The following MGAT4C variants were observed in gnomAD, a reference collection of about 807,000 sequenced individuals.
MGAT4C encodes the protein alpha-1,3-mannosyl-glycoprotein 4-beta-N-acetylglucosaminyltransferase C.
In MGAT4C, 19 loss-of-function variants were observed where a neutral mutation model predicts 40.1. That is an observed-to-expected ratio of 0.47 (90% CI 0.33 to 0.70). MGAT4C has a LOEUF of 0.70. Ranked by LOEUF, MGAT4C falls within the 30% of genes least tolerant of loss-of-function variation. The pLI, the probability that MGAT4C is intolerant of heterozygous loss-of-function variation, is 0.02. For missense variants in MGAT4C, 491 were observed against 563.2 expected, an observed-to-expected ratio of 0.87 and a Z score of 1.30; for synonymous variants, 181 against 187.1, an observed-to-expected ratio of 0.97 and a Z score of 0.27.
chr12:86,430,567 C>T (rs1425935468), intron 3 of MGAT4C, among the ~76,000 whole-genome samples: 1 of 152,064 alleles, frequency 6.6e-6, no homozygotes, highest in Admixed American at 6.6e-5. Flanking sequence ...GGAACACTGG[C>T]TTTGTTTGGC....
intron 4 of MGAT4C, among the ~76,000 whole-genome samples, chr12:86,300,248 G>T (rs1460901859): frequency 4.6e-5 from 7 of 152,044 alleles, no homozygotes; most frequent in African/African-American, 1.7e-4. Flanking sequence ...TGTGATGCAG[G>T]TCATCAAAAA....
chr12:86,417,331 C>T (rs1956738651), intron 3 of MGAT4C, among the ~76,000 whole-genome samples: 1 of 151,956 alleles, frequency 6.6e-6, no homozygotes, highest in Non-Finnish European at 1.5e-5. Flanking sequence ...GTTGAAAGAG[C>T]TTAAATTTTC....
rs11103956 is a variant in MGAT4C, at chr12:86,436,156, G to A, written c.-228-891C>T. Among the ~76,000 whole-genome samples, 1,229 of 151,878 alleles carry A rather than the reference G, an allele frequency of 8.1e-3. 23 individuals carry two copies. Among genetic ancestry groups the A allele is most frequent in the African/African-American group, 0.028 (1,180 of 41,526 alleles). Reference sequence around the variant, plus strand: ...CCACTACGAAAAATATGAATTAACTGGATGGAGAGATTTTTTCTTTTTGCA... The same window carrying A: ...CCACTACGAAAAATATGAATTAACTAGATGGAGAGATTTTTTCTTTTTGCA... On this transcript the variant is annotated intron_variant, in intron 2 of 7. Coordinates refer to the MGAT4C transcript ENST00000548651.
At chr12:86,588,684 G>T (rs1212680072) in intron 2 of MGAT4C, among the ~76,000 whole-genome samples, 1 of 151,998 alleles carries the variant, frequency 6.6e-6, no homozygotes, top group Non-Finnish European at 1.5e-5. Context: ...TAAAAGAACA[G>T]AAATTATAAC....
chr12:86,826,468 TA>T (rs1364836462), intron 1 of MGAT4C, among the ~76,000 whole-genome samples: 2 of 151,498 alleles, frequency 1.3e-5, no homozygotes, highest in Non-Finnish European at 3.0e-5. Context: ...AAAGTTAATT[TA>T]AAAATTATAC....
chr12:86,777,178 T>G (rs1304579261), intron 1 of MGAT4C, among the ~76,000 whole-genome samples: 1 of 152,144 alleles, frequency 6.6e-6, no homozygotes, highest in Non-Finnish European at 1.5e-5. Context: ...ACAGATAAAA[T>G]TTTAGGTATT....
intron 1 of MGAT4C, among the ~76,000 whole-genome samples, chr12:86,195,253 G>C (rs538307426): frequency 3.3e-4 from 50 of 152,276 alleles, no homozygotes; most frequent in Non-Finnish European, 6.9e-4. Flanking sequence ...TTTCTCAAGG[G>C]CTGGTTGCTG....
intron 2 of MGAT4C, among the ~76,000 whole-genome samples, chr12:86,515,370 G>A (rs372594082): frequency 6.6e-6 from 1 of 151,908 alleles, no homozygotes; most frequent in African/African-American, 2.4e-5. Flanking sequence ...ACACAATCTG[G>A]TATACAAAAA....
intron 1 of MGAT4C, among the ~76,000 whole-genome samples, chr12:86,173,630 C>T (rs1887079514): frequency 6.6e-6 from 1 of 151,926 alleles, no homozygotes; most frequent in Non-Finnish European, 1.5e-5. Context: ...TGACTTTCCC[C>T]AGTGTTGTTT....
chr12:86,540,380 C>A (rs912747448), intron 2 of MGAT4C, among the ~76,000 whole-genome samples: 11 of 152,170 alleles, frequency 7.2e-5, no homozygotes, highest in African/African-American at 2.7e-4. Flanking sequence ...GCAGGTATAG[C>A]AGCCCAGGTT....
chr12:86,446,658 C>CATATATATATATATATATATATAT (rs34157468), intron 2 of MGAT4C, among the ~76,000 whole-genome samples: 1 of 35,324 alleles, frequency 2.8e-5, no homozygotes, highest in African/African-American at 9.2e-5. Flanking sequence ...TCATGTAACT[C>CATATATATATATATATATATATAT]ATATATATAT....
intron 2 of MGAT4C, among the ~76,000 whole-genome samples, chr12:85,989,875 A>G (rs994852944): frequency 2.6e-5 from 4 of 152,114 alleles, no homozygotes; most frequent in African/African-American, 9.7e-5. Flanking sequence ...GCACAATAGA[A>G]AAACAGTCAA....
At chr12:86,446,607 T>C (rs1245139880) in intron 2 of MGAT4C, among the ~76,000 whole-genome samples, 1 of 144,678 alleles carries the variant, frequency 6.9e-6, no homozygotes, top group Non-Finnish European at 1.5e-5. Flanking sequence ...TTGTGTACTG[T>C]TCATATACGA....
intron 1 of MGAT4C, among the ~76,000 whole-genome samples, chr12:86,185,246 G>A (rs1888623106): frequency 1.3e-5 from 2 of 152,054 alleles, no homozygotes; most frequent in African/African-American, 4.8e-5. Flanking sequence ...TGTGTAGGTA[G>A]TACAGCTTTA....
intron 1 of MGAT4C, among the ~76,000 whole-genome samples, chr12:86,755,363 T>C (rs1371554347): frequency 6.6e-6 from 1 of 152,138 alleles, no homozygotes; most frequent in Non-Finnish European, 1.5e-5. Flanking sequence ...TCTATACATC[T>C]GTATTACACT....
intron 3 of MGAT4C, among the ~76,000 whole-genome samples, chr12:86,398,334 G>A (rs1041874602): frequency 2.0e-5 from 3 of 152,044 alleles, no homozygotes; most frequent in Non-Finnish European, 4.4e-5. Context: ...ATATAGAACC[G>A]ACCTGGATAA....
In MGAT4C at chr12:86,737,649, T is replaced by C. The variant is rs1291637918; in HGVS notation, c.-261-10408A>G. ...TGTACAACTACATAAGCTAGTTATA[T>C]AAAATTTAATAAGTCAAGAACAGAG... is the stretch of plus-strand genomic sequence containing the variant. On this transcript the variant is annotated intron_variant, in intron 1 of 7. Transcript: ENST00000548651. 2.0e-5 allele frequency among the ~76,000 whole-genome samples: 3 copies of C among 151,344 alleles called. No homozygotes were observed. The Admixed American group carries it at 2.0e-4, about 10-fold the overall frequency.
At chr12:86,294,904 GC>G (rs1220978696) in intron 4 of MGAT4C, among the ~76,000 whole-genome samples, 1 of 151,994 alleles carries the variant, frequency 6.6e-6, no homozygotes, top group Admixed American at 6.6e-5. Context: ...TATCAAGGGC[GC>G]CCCGTAAAGT....
At chr12:86,260,583 CAG>C (rs1952637782), upstream of MGAT4C, among the ~76,000 whole-genome samples, 1 of 152,006 alleles carries the variant, frequency 6.6e-6, no homozygotes, top group African/African-American at 2.4e-5. Flanking sequence ...GGAAATGAAG[CAG>C]AGTTAGTTAT....
Sources: allele counts gnomAD v4.1 joint callset (sites outside exome capture counted in the v4.1 genomes callset), GRCh38; gene constraint gnomAD v4.1.1; transcripts MANE v1.5; gene names NCBI Gene and HGNC (gene_info 2026-07-23, HGNC 2026-07-21).